The following TAF15 variants were observed in gnomAD, a reference collection of about 807,000 sequenced individuals.
TAF15 encodes the protein TATA-binding protein-associated factor 2N.
A neutral mutation model predicts 102.5 loss-of-function variants in TAF15; 37 were observed. The ratio of observed to expected loss-of-function variants is 0.36; its 90% confidence interval spans 0.28 to 0.47. The LOEUF (loss-of-function observed/expected upper bound fraction) is 0.47, where lower values mean the gene tolerates loss of function less well. Among genes scored for constraint, TAF15 ranks in the 20% least tolerant of loss-of-function variants. The pLI, the probability that TAF15 is intolerant of heterozygous loss-of-function variation, is 0.99. For missense variants in TAF15, 652 were observed against 760.7 expected (o/e 0.86, Z 1.68); for synonymous variants, 273 against 259.2 (o/e 1.05, Z -0.51).
At chr17:35,846,071 C>G (rs1281398301) in intron 15 of TAF15, among the ~76,000 whole-genome samples, 1 of 152,042 alleles carries the variant, frequency 6.6e-6, no homozygotes, top group Non-Finnish European at 1.5e-5. Context: ...AGAAGAAGAC[C>G]AATGATAGAA....
intron 11 of TAF15, among the ~76,000 whole-genome samples, chr17:35,840,796 G>A (rs950320976): frequency 2.6e-5 from 4 of 151,902 alleles, no homozygotes; most frequent in Non-Finnish European, 4.4e-5. Flanking sequence ...CCCGGGAGTT[G>A]GAGGTTGCAG....
chr17:35,836,311 T>G (rs2143808567), intron 10 of TAF15, 70 bp downstream of exon 10: 4 of 1,089,742 alleles, frequency 3.7e-6, no homozygotes, highest in Non-Finnish European at 5.6e-6. Context: ...GACTATGTAG[T>G]AAGCCTACAT....
At chr17:35,824,854 A>G (rs528717089) in intron 7 of TAF15, among the ~76,000 whole-genome samples, 1 of 152,298 alleles carries the variant, frequency 6.6e-6, no homozygotes, top group East Asian at 1.9e-4. Context: ...ATTTACTTAC[A>G]GCATATGTTA....
intron 10 of TAF15, 120 bp from the exon 11 acceptor site, chr17:35,838,304 A>T: frequency 1.5e-6 from 2 of 1,309,246 alleles, no homozygotes; most frequent in Middle Eastern, 2.5e-4. Flanking sequence ...TTAGGTGCAT[A>T]GTATTTTATA....
At chr17:35,820,119 T>C in intron 3 of TAF15, 44 bp downstream of exon 3, 2 of 1,613,760 alleles carry the variant, frequency 1.2e-6, no homozygotes, top group Non-Finnish European at 1.7e-6. Context: ...TAGTTATTTT[T>C]ATCTTAAGTA....
At chr17:35,839,370 CTTTTTTTTT>C (rs562461506) in intron 11 of TAF15, among the ~76,000 whole-genome samples, 45 of 52,404 alleles carry the variant, frequency 8.6e-4, no homozygotes, top group African/African-American at 3.0e-3. Flanking sequence ...AAGAAATAGA[CTTTTTTTTT>C]TTTTTTTTTT....
intron 1 of TAF15, among the ~76,000 whole-genome samples, chr17:35,814,259 G>A (rs954208347): frequency 1.3e-5 from 2 of 151,672 alleles, no homozygotes; most frequent in African/African-American, 4.9e-5. Context: ...TCCGCCTCCT[G>A]GGTTCACGCC....
rs1475669001 is a variant in TAF15, at chr17:35,833,687, G to A, written c.606-220G>A. On this transcript the variant is annotated intron_variant, in intron 7 of 15. Transcript: ENST00000605844. The stretch of plus-strand genomic sequence containing the variant: ...TTAGAAATAAGAGTATATTAGATAT[G>A]TAATAAGCTTGAAAAGACATCTTGT... 13 of 558,542 alleles carry A rather than the reference G, an allele frequency of 2.3e-5. 1 individual carries two copies. The highest frequency in any genetic ancestry group is 4.4e-5 in the South Asian group (2 of 45,722). The allele number at this position is 558,542 out of a possible 1,614,324, so 34.6% of individuals were successfully genotyped here. A position where few individuals can be genotyped will look rare whatever the true frequency, so the allele number is the denominator to read the frequency against.
At position 35,846,982 on chromosome 17, in the gene TAF15, C is replaced by T. The variant is rs767030101; in HGVS notation, c.*37C>T. 44 of 1,613,394 alleles carry T rather than the reference C, an allele frequency of 2.7e-5. No homozygotes were observed. Among genetic ancestry groups the T allele is most frequent in the Non-Finnish European group, 3.7e-5 (44 of 1,179,434 alleles). On this transcript the variant is annotated 3_prime_UTR_variant, in exon 16 of 16. Coordinates refer to ENST00000605844, the MANE Select transcript of TAF15 (RefSeq NM_139215.3). ...AATGTTCCTTTGTCTCTGACATGAT[C>T]CATAGTGAAATTGCCAGAGTTTTGC...
intron 7 of TAF15, among the ~76,000 whole-genome samples, chr17:35,832,168 T>C (rs2087415536): frequency 6.6e-6 from 1 of 152,242 alleles, no homozygotes; most frequent in Admixed American, 6.5e-5. Flanking sequence ...TTGGCTTCCC[T>C]TTCTTAAAGA....
At chr17:35,833,666 A>T in intron 7 of TAF15, 2 of 471,466 alleles carry the variant, frequency 4.2e-6, no homozygotes, top group Non-Finnish European at 7.6e-6. Flanking sequence ...GAAGATTTAG[A>T]AATAAGAGTA....
intron 7 of TAF15, among the ~76,000 whole-genome samples, chr17:35,832,813 G>A (rs1339834289): frequency 1.3e-5 from 2 of 152,092 alleles, no homozygotes; most frequent in Non-Finnish European, 1.5e-5. Flanking sequence ...GATTTCTTAC[G>A]TAAAGCCATG....
At chr17:35,829,741 C>T (rs1307263706) in intron 7 of TAF15, among the ~76,000 whole-genome samples, 1 of 151,092 alleles carries the variant, frequency 6.6e-6, no homozygotes, top group East Asian at 2.0e-4. Context: ...GTTGTCTCTT[C>T]GAAATATGTA....
chr17:35,845,574 G>T (rs898336883), intron 15 of TAF15, among the ~76,000 whole-genome samples: 1 of 151,732 alleles, frequency 6.6e-6, no homozygotes, highest in Non-Finnish European at 1.5e-5. Flanking sequence ...TTGCAGTGGC[G>T]CAGTCTCGGC....
At chr17:35,829,232 T>G (rs1424586919) in intron 7 of TAF15, among the ~76,000 whole-genome samples, 1 of 152,150 alleles carries the variant, frequency 6.6e-6, no homozygotes, top group East Asian at 1.9e-4. Flanking sequence ...TTAGTGAAAT[T>G]TTCTAAGAAT....
At chr17:35,844,399 G>A (rs886511371) in intron 14 of TAF15, 31 bp downstream of exon 14, 21 of 1,612,096 alleles carry the variant, frequency 1.3e-5, no homozygotes, top group African/African-American at 2.7e-5. Flanking sequence ...CATCTGCATC[G>A]TGCTTATCTT....
At chr17:35,845,374 T>C (rs753483109) in intron 15 of TAF15, among the ~76,000 whole-genome samples, 1 of 152,060 alleles carries the variant, frequency 6.6e-6, no homozygotes, top group Non-Finnish European at 1.5e-5. Flanking sequence ...CCTGCCTCAG[T>C]CTCCCAAGTA....
chr17:35,847,045 A>G lies in TAF15; in HGVS notation c.*100A>G, dbSNP rs1568288050. On this transcript the variant is annotated 3_prime_UTR_variant, in exon 16 of 16. Transcript: ENST00000605844. ...TCGTGGCCTCTTCTTGGGTAGTGAA[A>G]TTAAGTGACATTTGGATTTTTATTT... 4.9e-6 allele frequency: 3 copies of G among 608,210 alleles called. No individual in the cohort carries two copies. The highest frequency in any genetic ancestry group is 8.7e-6 in the Non-Finnish European group (3 of 344,000). The allele number at this position is 608,210 out of a possible 1,614,324, so 37.7% of individuals were successfully genotyped here.
intron 7 of TAF15, among the ~76,000 whole-genome samples, chr17:35,830,868 C>T (rs1040179361): frequency 5.3e-5 from 8 of 152,120 alleles, no homozygotes; most frequent in African/African-American, 1.7e-4. Context: ...GCTATGCTTA[C>T]GCTTATATTC....
Sources: allele counts gnomAD v4.1 joint callset (sites outside exome capture counted in the v4.1 genomes callset), GRCh38; gene constraint gnomAD v4.1.1; transcripts MANE v1.5; gene names NCBI Gene and HGNC (gene_info 2026-07-23, HGNC 2026-07-21).